DNM1: variants seen among roughly 807,000 people sequenced by gnomAD.
DNM1 encodes dynamin-1.
In DNM1, 29 loss-of-function variants were observed where a neutral mutation model predicts 104.6. The observed-to-expected ratio is 0.28, with a 90% CI of 0.21 to 0.38. The LOEUF is 0.38. Ranked by LOEUF, DNM1 falls within the 10% of genes least tolerant of loss-of-function variation. DNM1 has a pLI of 1.00. For synonymous variants in DNM1, 445 were observed against 475.8 expected, an observed-to-expected ratio of 0.94 and a Z score of 0.84; for missense variants, 640 against 1,189.4, an observed-to-expected ratio of 0.54 and a Z score of 6.79.
chr9:128,251,439 G>T, intron 21 of DNM1: 1 of 272,196 alleles, frequency 3.7e-6, no homozygotes. Flanking sequence ...CCATCCCAGG[G>T]GGTGTCCAGC....
rs1178432483 is a variant in DNM1, at chr9:128,243,769, G to A, written c.1671+1424G>A. Among the ~76,000 whole-genome samples, 1 of 152,184 alleles carries A rather than the reference G, an allele frequency of 6.6e-6. No homozygotes were observed. The highest frequency in any genetic ancestry group is 1.9e-4 in the East Asian group (1 of 5,186). On this transcript the variant is annotated intron_variant, in intron 15 of 21. Transcript: ENST00000372923. This position sits in a 1 kb window ranked among gnomAD's most constrained non-coding sequence, Gnocchi z 4.0. Reference sequence around the variant, plus strand: ...GCCGGAGACCGGGTGACACTGTGGGGGAGGGGCACGTGCCACTGAGGGGGT... The same window carrying A: ...GCCGGAGACCGGGTGACACTGTGGGAGAGGGGCACGTGCCACTGAGGGGGT...
At chr9:128,237,258 T>A (rs1057239195) in intron 11 of DNM1, among the ~76,000 whole-genome samples, 6 of 140,006 alleles carry the variant, frequency 4.3e-5, no homozygotes, top group Non-Finnish European at 7.5e-5. Flanking sequence ...CTGGACATTA[T>A]CCTTGTTCTT....
At chr9:128,235,955 G>A (rs372887479) in intron 11 of DNM1, among the ~76,000 whole-genome samples, 6 of 152,126 alleles carry the variant, frequency 3.9e-5, no homozygotes, top group East Asian at 3.9e-4. Flanking sequence ...GGGCTCAAGC[G>A]ATCTGCCTCA....
chr9:128,254,537 C>G lies in DNM1; in HGVS notation c.2535-117C>G. The G allele has an allele frequency of 1.3e-6, 2 of 1,552,524 alleles. No homozygotes were observed. The highest frequency in any genetic ancestry group is 2.4e-5 in the East Asian group (1 of 42,016). On this transcript the variant is annotated intron_variant, in intron 21 of 21. Coordinates refer to ENST00000372923, the MANE Select transcript of DNM1 (RefSeq NM_004408.4). The surrounding 1 kb of genome is among the most constrained non-coding windows in gnomAD (Gnocchi z 6.1). ...ACCCACACCTGCAGCCTCCCCTCCCCGGCCCTCCCACCACTGCTGCGGCGC... is the reference window on the plus strand; with the variant it reads ...ACCCACACCTGCAGCCTCCCCTCCCGGGCCCTCCCACCACTGCTGCGGCGC...
chr9:128,244,968 T>C, intron 15 of DNM1: 2 of 272,918 alleles, frequency 7.3e-6, no homozygotes, highest in South Asian at 6.0e-5. Context: ...TGCTCCCAAC[T>C]CCCCTTCTGC....
chr9:128,222,911 G>A lies in DNM1; in HGVS notation c.1196+51G>A. The A allele has an allele frequency of 5.1e-6, 8 of 1,567,076 alleles. No individual in the cohort carries two copies. Among genetic ancestry groups the A allele is most frequent in the Non-Finnish European group, 7.0e-6 (8 of 1,138,908 alleles). ...GCTGAACCCCAGAAGTAGGGGGTCT[G>A]GGACAGAGGCACAGGGAGTGATGAA... On this transcript the variant is annotated intron_variant, in intron 9 of 21. Coordinates refer to ENST00000372923, the MANE Select transcript of DNM1 (RefSeq NM_004408.4). This position sits in a 1 kb window ranked among gnomAD's most constrained non-coding sequence, Gnocchi z 7.8.
chr9:128,249,385 G>A (rs533544557), intron 19 of DNM1, among the ~76,000 whole-genome samples: 23 of 151,782 alleles, frequency 1.5e-4, no homozygotes, highest in South Asian at 6.3e-4. Context: ...GGCCGGGCGC[G>A]GTAGTTCATG....
At chr9:128,229,847 A>C (rs1471923419) in intron 10 of DNM1, among the ~76,000 whole-genome samples, 1 of 151,882 alleles carries the variant, frequency 6.6e-6, no homozygotes, top group African/African-American at 2.4e-5. Flanking sequence ...TGGAAGGCAG[A>C]GGTTGCAGTG....
chr9:128,207,225 T>C (rs907104537), intron 1 of DNM1, among the ~76,000 whole-genome samples: 4 of 151,958 alleles, frequency 2.6e-5, no homozygotes, highest in Non-Finnish European at 2.9e-5. Flanking sequence ...CTGTTAGACT[T>C]CTAAGTGGAA....
At position 128,242,243 on chromosome 9, in the gene DNM1, G is replaced by A; in HGVS notation, c.1569G>A (p.Lys523=). Residue 523 remains lysine (K), a synonymous_variant, in exon 15 of 22, where the codon AAG becomes AAA. Coordinates refer to ENST00000372923, the MANE Select transcript of DNM1 (RefSeq NM_004408.4). ...CCATCACCCTCCAGGTCATCCGCAAGGGCTGGCTGACTATCAATAATATTG... is the reference window on the plus strand; with the variant it reads ...CCATCACCCTCCAGGTCATCCGCAAAGGCTGGCTGACTATCAATAATATTG... ...GNQDEILVIR[K]GWLTINNIGI... is the part of the protein sequence containing the mutation. The A allele has an allele frequency of 6.2e-7, 1 of 1,606,686 alleles. No individual in the cohort carries two copies. Among genetic ancestry groups the A allele is most frequent in the South Asian group, 1.1e-5 (1 of 90,920 alleles).
In DNM1 at chr9:128,219,246, C is replaced by T; in HGVS notation, c.583C>T (p.Pro195Ser). ...DALKVAKEVD[P>S]QGQRTIGVIT... ...CCTCAAGGTCGCCAAGGAGGTGGAC[C>T]CCCAGGGTAGGTTCCCACCCGGTGG... The change falls in exon 4 of 22, where the codon CCC becomes TCC. Residue 195 changes from proline to serine, a missense_variant. Pro to Ser is a moderately conservative substitution (Grantham distance 74). Coordinates refer to ENST00000372923, the MANE Select transcript of DNM1 (RefSeq NM_004408.4). 1.2e-6 allele frequency: 2 copies of T among 1,614,032 alleles called. No individual in the cohort carries two copies. Among genetic ancestry groups the T allele is most frequent in the Non-Finnish European group, 1.7e-6 (2 of 1,180,010 alleles).
chr9:128,224,470 C>G lies in DNM1; in HGVS notation c.1335+81C>G. ...CCAGGCGCTCCTTCCCCATGTCCCC[C>G]CCTGCCTCCTCGGTAGCATGTACAG... On this transcript the variant is annotated intron_variant, in intron 10 of 21. Coordinates refer to ENST00000372923, the MANE Select transcript of DNM1 (RefSeq NM_004408.4). This position sits in a 1 kb window ranked among gnomAD's most constrained non-coding sequence, Gnocchi z 4.3. 1 of 1,420,278 alleles carries G rather than the reference C, an allele frequency of 7.0e-7. No homozygotes were observed. The highest frequency in any genetic ancestry group is 9.7e-7 in the Non-Finnish European group (1 of 1,035,050). The allele number at this position is 1,420,278 out of a possible 1,614,324, so 88.0% of individuals were successfully genotyped here.
intron 10 of DNM1, among the ~76,000 whole-genome samples, chr9:128,231,194 CTTTTTTTTTTTT>C (rs72047067): frequency 2.9e-5 from 2 of 68,500 alleles, no homozygotes; most frequent in Non-Finnish European, 5.0e-5. Flanking sequence ...ATACTTTTGC[CTTTTTTTTTTTT>C]TTTTTTTTTT....
rs980180566 is a variant in DNM1, at chr9:128,240,108, C to G, written c.1557+112C>G. 1.6e-6 allele frequency: 2 copies of G among 1,251,020 alleles called. No individual in the cohort carries two copies. The highest frequency in any genetic ancestry group is 3.0e-5 in the African/African-American group (2 of 67,672). 77.5% of individuals were successfully genotyped at this position (1,251,020 alleles called of 1,614,324 possible). A position where few individuals can be genotyped will look rare whatever the true frequency, so the allele number is the denominator to read the frequency against. The stretch of plus-strand genomic sequence containing the variant: ...CACCCTTTGGCTGAAGCTGCTTGTA[C>G]ACACCAGCCCCTGGCATTTCACACC... On this transcript the variant is annotated intron_variant, in intron 14 of 21. Coordinates refer to ENST00000372923, the MANE Select transcript of DNM1 (RefSeq NM_004408.4). This position sits in a 1 kb window ranked among gnomAD's most constrained non-coding sequence, Gnocchi z 5.1.
chr9:128,211,089 C>A lies in DNM1; in HGVS notation c.162-7142C>A, dbSNP rs536838683. Among the ~76,000 whole-genome samples the A allele has an allele frequency of 3.7e-3, 558 of 152,384 alleles. 3 individuals are homozygous for A. Among genetic ancestry groups the A allele is most frequent in the Middle Eastern group, 6.8e-3 (2 of 294 alleles). ...AACTGCCTGCCGGCTCCCCCATCCTCCCCATCTGACTTGGTCCCCATGCCC... is the reference window on the plus strand; with the variant it reads ...AACTGCCTGCCGGCTCCCCCATCCTACCCATCTGACTTGGTCCCCATGCCC... On this transcript the variant is annotated intron_variant, in intron 1 of 21. Coordinates refer to ENST00000372923, the MANE Select transcript of DNM1 (RefSeq NM_004408.4).
At position 128,222,436 on chromosome 9, in the gene DNM1, T is replaced by C; in HGVS notation, c.993-25T>C. ...CCTTTGCTGGGCTGCTCCTGCCCCC[T>C]CAGGCCACACCACTCTCCCACCAGG... is the stretch of plus-strand genomic sequence containing the variant. On this transcript the variant is annotated intron_variant, in intron 7 of 21. Transcript: ENST00000372923. The surrounding 1 kb of genome is among the most constrained non-coding windows in gnomAD (Gnocchi z 7.8). 1.2e-6 allele frequency: 2 copies of C among 1,613,390 alleles called. No individual in the cohort carries two copies. The highest frequency in any genetic ancestry group is 1.3e-5 in the African/African-American group (1 of 75,014).
intron 11 of DNM1, among the ~76,000 whole-genome samples, chr9:128,235,176 A>G (rs928221436): frequency 1.3e-5 from 2 of 152,056 alleles, no homozygotes; most frequent in South Asian, 4.1e-4. Context: ...GTCTTCCAGG[A>G]CCATCCGTAT....
chr9:128,254,568 G>GC lies in DNM1; in HGVS notation c.2535-82dup. On this transcript the variant is annotated intron_variant, in intron 21 of 21. Coordinates refer to ENST00000372923, the MANE Select transcript of DNM1 (RefSeq NM_004408.4). The surrounding 1 kb of genome is among the most constrained non-coding windows in gnomAD (Gnocchi z 6.1). ...TCCCACCACTGCTGCGGCGCGGCCG[G>GC]CCCCGGCCGTGTGCTGCGCTTGCCT... The GC allele has an allele frequency of 1.9e-6, 3 of 1,586,710 alleles. No homozygotes were observed. Among genetic ancestry groups the GC allele is most frequent in the Non-Finnish European group, 2.6e-6 (3 of 1,173,284 alleles).
At chr9:128,244,861 G>A in intron 15 of DNM1, 1 of 512,332 alleles carries the variant, frequency 2.0e-6, no homozygotes, top group Non-Finnish European at 4.1e-6. Flanking sequence ...TGTCCATCCG[G>A]TGGGCGCTTC....
Sources: gnomAD v4.1 joint callset for allele counts (sites outside exome capture counted in the v4.1 genomes callset) on GRCh38, gnomAD v4.1.1 for gene constraint, Gnocchi (gnomAD v3.1) non-coding constraint, MANE v1.5 for transcripts, NCBI Gene and HGNC (gene_info 2026-07-23, HGNC 2026-07-21) for gene names.